SORCS2: variants seen among roughly 807,000 people sequenced by gnomAD.
The protein encoded by SORCS2 is sortilin related VPS10 domain containing receptor 2, also known as VPS10 domain-containing receptor SorCS2.
A neutral mutation model predicts 141.6 loss-of-function variants in SORCS2; 100 were observed. The observed-to-expected ratio is 0.71, with a 90% confidence interval of 0.60 to 0.83. The LOEUF (loss-of-function observed/expected upper bound fraction) is 0.83, where lower values mean the gene tolerates loss of function less well. Among genes scored for constraint, SORCS2 ranks in the 40% least tolerant of loss-of-function variants. SORCS2 has a pLI of 0.00. For synonymous variants in SORCS2, 789 were observed against 676.9 expected (o/e 1.17, Z -2.57); for missense variants, 1,646 against 1,560.2 (o/e 1.05, Z -0.93).
intron 1 of SORCS2, among the ~76,000 whole-genome samples, chr4:7,250,655 C>T (rs967866591): frequency 2.0e-5 from 3 of 152,192 alleles, no homozygotes; most frequent in Admixed American, 6.5e-5. Flanking sequence ...CAGACTCAAC[C>T]GGCCTTGGGG....
chr4:7,324,391 C>G (rs1182439226), intron 1 of SORCS2, among the ~76,000 whole-genome samples: 1 of 152,200 alleles, frequency 6.6e-6, no homozygotes, highest in Non-Finnish European at 1.5e-5. Context: ...CACCTGGAAT[C>G]TAACAGGTGC....
At chr4:7,682,688 G>A (rs1723600054) in intron 9 of SORCS2, 55 bp from the exon 10 acceptor site, 6 of 1,534,668 alleles carry the variant, frequency 3.9e-6, no homozygotes, top group Non-Finnish European at 4.4e-6. Flanking sequence ...GTGGATACTT[G>A]GTCATCAGAG....
chr4:7,336,296 G>A (rs1424563644), intron 1 of SORCS2, among the ~76,000 whole-genome samples: 1 of 152,218 alleles, frequency 6.6e-6, no homozygotes, highest in Non-Finnish European at 1.5e-5. Flanking sequence ...GGCAGCTTGG[G>A]GATGCTGCTG....
intron 1 of SORCS2, among the ~76,000 whole-genome samples, chr4:7,225,434 A>G (rs1728936033): frequency 6.6e-6 from 1 of 152,250 alleles, no homozygotes; most frequent in South Asian, 2.1e-4. Context: ...AATCCGAAGC[A>G]TGACAGAAAT....
intron 1 of SORCS2, among the ~76,000 whole-genome samples, chr4:7,328,045 A>G (rs534755467): frequency 3.8e-5 from 2 of 52,674 alleles, no homozygotes; most frequent in South Asian, 6.0e-4. Context: ...TTTTTTTTTG[A>G]GACCAAGTCT....
intron 3 of SORCS2, among the ~76,000 whole-genome samples, chr4:7,566,101 T>C (rs1435894165): frequency 6.7e-6 from 1 of 148,852 alleles, no homozygotes; most frequent in African/African-American, 2.5e-5. Flanking sequence ...ATGATGATAA[T>C]GTGATAATGG....
At chr4:7,606,738 G>A (rs760425962) in intron 3 of SORCS2, among the ~76,000 whole-genome samples, 8 of 152,008 alleles carry the variant, frequency 5.3e-5, no homozygotes, top group African/African-American at 9.7e-5. Flanking sequence ...TGACTGTATT[G>A]GGAGTTATAT....
chr4:7,528,284 G>A (rs1278894643), intron 2 of SORCS2, among the ~76,000 whole-genome samples: 1 of 152,176 alleles, frequency 6.6e-6, no homozygotes, highest in African/African-American at 2.4e-5. Flanking sequence ...ATGGGTGAGT[G>A]GGTGAATCAA....
rs150778559 is a variant in SORCS2, at chr4:7,722,178, ATCACGAGTCCTGAC to A, written c.2425-1516_2425-1503del. The stretch of plus-strand genomic sequence containing the variant: ...GTGGCGCCTCACCCAGGTTGAGCGG[ATCACGAGTCCTGAC>A]TCTGGGTCACACATGCCTTCTCCTT... On this transcript the variant is annotated intron_variant, in intron 18 of 26. Coordinates refer to ENST00000507866, the MANE Select transcript of SORCS2 (RefSeq NM_020777.3). Among the ~76,000 whole-genome samples, 1,273 of 152,282 alleles carry A rather than the reference ATCACGAGTCCTGAC, an allele frequency of 8.4e-3. 14 individuals are homozygous for A. Among genetic ancestry groups the A allele is most frequent in the African/African-American group, 0.029 (1,197 of 41,548 alleles).
intron 17 of SORCS2, 56 bp from the exon 18 acceptor site, chr4:7,717,956 G>GC: frequency 1.3e-6 from 2 of 1,505,734 alleles, no homozygotes; most frequent in Non-Finnish European, 1.8e-6. Context: ...AGACTATGGG[G>GC]CCCCATCCCT....
chr4:7,681,590 G>T (rs1723527950), intron 9 of SORCS2, among the ~76,000 whole-genome samples: 1 of 152,216 alleles, frequency 6.6e-6, no homozygotes, highest in South Asian at 2.1e-4. Context: ...CAGAGCTGTG[G>T]GAGAATACGT....
At chr4:7,638,681 C>T (rs904934766) in intron 4 of SORCS2, among the ~76,000 whole-genome samples, 189 bp downstream of exon 4, 51 of 152,190 alleles carry the variant, frequency 3.4e-4, no homozygotes, top group African/African-American at 1.2e-3. Flanking sequence ...CCTCAAGGGA[C>T]CGTGCCCACT....
At chr4:7,280,342 G>C (rs6856962) in intron 1 of SORCS2, among the ~76,000 whole-genome samples, 43,239 of 152,084 alleles carry the variant, frequency 0.28, 6,342 homozygotes, top group African/African-American at 0.33. Context: ...CTCGAGAGGC[G>C]AGGATGGGAG....
intron 3 of SORCS2, among the ~76,000 whole-genome samples, chr4:7,584,462 A>C (rs1290459836): frequency 6.6e-6 from 1 of 152,246 alleles, no homozygotes; most frequent in Non-Finnish European, 1.5e-5. Flanking sequence ...AAAGGAACTT[A>C]GACACTCTCT....
intron 1 of SORCS2, among the ~76,000 whole-genome samples, chr4:7,371,622 C>T (rs180729928): frequency 1.1e-4 from 16 of 152,244 alleles, no homozygotes; most frequent in African/African-American, 1.7e-4. Flanking sequence ...ATGCCGGCAT[C>T]GTGATCTGGA....
chr4:7,722,755 A>G (rs914098806), intron 18 of SORCS2, among the ~76,000 whole-genome samples: 6 of 152,226 alleles, frequency 3.9e-5, no homozygotes, highest in Non-Finnish European at 8.8e-5. Flanking sequence ...TTGGGGAGAC[A>G]CTGACCAGCT....
chr4:7,333,050 C>T (rs1719753394), intron 1 of SORCS2, among the ~76,000 whole-genome samples: 1 of 152,206 alleles, frequency 6.6e-6, no homozygotes, highest in Non-Finnish European at 1.5e-5. Flanking sequence ...TCTTTATTCA[C>T]AGAGTGTGTA....
chr4:7,740,037 G>T (rs934614485), intron 26 of SORCS2, among the ~76,000 whole-genome samples, 163 bp from the exon 27 acceptor site: 4 of 152,232 alleles, frequency 2.6e-5, no homozygotes, highest in Non-Finnish European at 5.9e-5. Context: ...CACCCACCTA[G>T]GAACCGCGGA....
At chr4:7,318,414 A>G (rs937792712) in intron 1 of SORCS2, among the ~76,000 whole-genome samples, 3 of 152,178 alleles carry the variant, frequency 2.0e-5, no homozygotes, top group Admixed American at 6.5e-5. Context: ...TCCTGCCCTC[A>G]GGGGCCCACA....
Sources: allele counts gnomAD v4.1 joint callset (sites outside exome capture counted in the v4.1 genomes callset), GRCh38; gene constraint gnomAD v4.1.1; transcripts MANE v1.5; gene names NCBI Gene and HGNC (gene_info 2026-07-23, HGNC 2026-07-21).